NIPA1: variants seen among roughly 807,000 people sequenced by gnomAD.
NIPA1 encodes NIPA magnesium transporter 1.
Under a neutral mutation model 23.9 loss-of-function variants are expected in NIPA1, and 13 were observed. The observed-to-expected ratio is 0.54, with a 90% CI of 0.35 to 0.87. The LOEUF is 0.87. NIPA1 is among the 40% of genes least tolerant of loss of function. The pLI is 0.01. For missense variants in NIPA1, 362 were observed against 429.7 expected (o/e 0.84, Z 1.39); for synonymous variants, 234 against 202.9 (o/e 1.15, Z -1.30).
rs1895664874 is a variant in NIPA1 at position 22,826,974 on chromosome 15, T to C, written c.*2735T>C. The C allele has an allele frequency of 6.6e-6, 1 of 152,138 alleles. No homozygotes were observed. The highest frequency in any genetic ancestry group is 2.1e-4 in the South Asian group (1 of 4,822). The allele number at this position is 152,138 out of a possible 1,614,324, so 9.4% of individuals were successfully genotyped here. On this transcript the variant is annotated 3_prime_UTR_variant, in exon 5 of 5. Coordinates refer to ENST00000337435, the MANE Select transcript of NIPA1 (RefSeq NM_144599.5). ...AGTATTTATTTTAAAAAATTATGTT[T>C]TCATCATTCATTTGAAAATGAAAAA... is the stretch of plus-strand genomic sequence containing the variant.
intron 4 of NIPA1, among the ~76,000 whole-genome samples, chr15:22,821,283 T>TA (rs1238015641): frequency 6.6e-6 from 1 of 152,174 alleles, no homozygotes; most frequent in East Asian, 1.9e-4. Context: ...TTTTGATAAA[T>TA]ACACTAAAAA....
chr15:22,817,028 CA>C (rs921887486), intron 3 of NIPA1, among the ~76,000 whole-genome samples: 62 of 145,400 alleles, frequency 4.3e-4, no homozygotes, highest in African/African-American at 1.4e-3. Context: ...TACAAAAATA[CA>C]AAAAAAAATC....
In NIPA1 at chr15:22,821,734, G is replaced by A. The variant is rs142159996; in HGVS notation, c.478+1261G>A. Among the ~76,000 whole-genome samples, 68 of 151,614 alleles carry A rather than the reference G, an allele frequency of 4.5e-4. 2 individuals are homozygous for A. In the East Asian group the frequency reaches 8.5e-3, roughly 19 times the overall value. On this transcript the variant is annotated intron_variant, in intron 4 of 4. Transcript: ENST00000337435. ...CTCACTGGTTTTCTTGTCCACACTCGCTGGTTTTCTTGTCCACACTCTCTG... is the reference window on the plus strand; with the variant it reads ...CTCACTGGTTTTCTTGTCCACACTCACTGGTTTTCTTGTCCACACTCTCTG...
Position 22,824,592 on chromosome 15 carries a change from T to C in NIPA1, c.*353T>C. The C allele has an allele frequency of 3.3e-6, 1 of 304,464 alleles. No individual in the cohort carries two copies. The highest frequency in any genetic ancestry group is 6.3e-6 in the Non-Finnish European group (1 of 159,100). The allele number at this position is 304,464 out of a possible 1,614,324, so 18.9% of individuals were successfully genotyped here. A position where few individuals can be genotyped will look rare whatever the true frequency, so the allele number is the denominator to read the frequency against. On this transcript the variant is annotated 3_prime_UTR_variant, in exon 5 of 5. Transcript: ENST00000337435. This position sits in a 1 kb window ranked among gnomAD's most constrained non-coding sequence, Gnocchi z 4.1. ...CTCTTTCTGGTTAGTTGTTACATGA[T>C]AGCAGAGATATTTTTACTTAGATTA...
chr15:22,804,859 A>G (rs954336964), intron 1 of NIPA1, among the ~76,000 whole-genome samples: 66 of 151,582 alleles, frequency 4.4e-4, no homozygotes, highest in African/African-American at 1.5e-3. Flanking sequence ...TTTTTTTAAG[A>G]CGGAGTCCGC....
intron 3 of NIPA1, among the ~76,000 whole-genome samples, chr15:22,812,653 A>T (rs1017712615): frequency 1.1e-4 from 10 of 89,596 alleles, no homozygotes; most frequent in Admixed American, 2.1e-4. Context: ...ACTCTGCCTT[A>T]AAAAAAAAAA....
chr15:22,793,079 G>A (rs1397033497), intron 1 of NIPA1, among the ~76,000 whole-genome samples: 1 of 151,660 alleles, frequency 6.6e-6, no homozygotes, highest in African/African-American at 2.4e-5. Context: ...CGGGCGTGCG[G>A]TGGCTCATGC....
chr15:22,815,148 C>T (rs1439437379), intron 3 of NIPA1, among the ~76,000 whole-genome samples: 3 of 152,078 alleles, frequency 2.0e-5, no homozygotes, highest in Admixed American at 1.3e-4. Flanking sequence ...TGATTCTTTA[C>T]CCCTGAACAC....
intron 4 of NIPA1, among the ~76,000 whole-genome samples, chr15:22,820,932 C>T (rs1895525148): frequency 6.6e-6 from 1 of 152,104 alleles, no homozygotes; most frequent in African/African-American, 2.4e-5. Flanking sequence ...GTTTAGATTC[C>T]TCATATAGCC....
chr15:22,805,685 C>CAAAAAG (rs544508873), intron 1 of NIPA1, among the ~76,000 whole-genome samples: 1 of 151,676 alleles, frequency 6.6e-6, no homozygotes, highest in Non-Finnish European at 1.5e-5. Context: ...GACTCTGTCT[C>CAAAAAG]AAAAAGAAAA....
chr15:22,807,743 G>A (rs992779261), intron 1 of NIPA1, among the ~76,000 whole-genome samples: 2 of 147,780 alleles, frequency 1.4e-5, no homozygotes, highest in Non-Finnish European at 3.0e-5. Flanking sequence ...GATATTTTCT[G>A]TATGCCCTTA....
At chr15:22,787,443 C>A (rs1358021214) in intron 1 of NIPA1, among the ~76,000 whole-genome samples, 1 of 152,230 alleles carries the variant, frequency 6.6e-6, no homozygotes, top group East Asian at 1.9e-4. Flanking sequence ...CGCCTTAGAC[C>A]TGCACCAAAT....
At chr15:22,798,763 G>A (rs1026848125) in intron 1 of NIPA1, among the ~76,000 whole-genome samples, 13 of 148,628 alleles carry the variant, frequency 8.7e-5, no homozygotes, top group Admixed American at 2.0e-4. Context: ...GTGAACCCGG[G>A]AGGCGGAACT....
intron 3 of NIPA1, among the ~76,000 whole-genome samples, chr15:22,817,100 T>C (rs1279661302): frequency 6.7e-6 from 1 of 148,526 alleles, no homozygotes; most frequent in Non-Finnish European, 1.5e-5. Flanking sequence ...GGCAGGAGAA[T>C]TGCTTAAACC....
intron 1 of NIPA1, among the ~76,000 whole-genome samples, chr15:22,803,144 A>G (rs1014471287): frequency 4.0e-5 from 6 of 151,584 alleles, no homozygotes; most frequent in African/African-American, 1.5e-4. Context: ...TTTAGTAGAG[A>G]TGGGATTTCA....
At chr15:22,813,877 T>C (rs533985463) in intron 3 of NIPA1, among the ~76,000 whole-genome samples, 2 of 152,264 alleles carry the variant, frequency 1.3e-5, no homozygotes, top group South Asian at 2.1e-4. Flanking sequence ...GTTCTCACTT[T>C]GGGAAACACT....
upstream of NIPA1, chr15:22,786,627 G>A: frequency 1.1e-6 from 1 of 924,022 alleles, no homozygotes. Context: ...CGGCGCGCAG[G>A]CGCAGGCTCG....
chr15:22,797,847 A>AT (rs33968720), intron 1 of NIPA1, among the ~76,000 whole-genome samples: 22,588 of 133,846 alleles, frequency 0.17, 2,223 homozygotes, highest in African/African-American at 0.31. Flanking sequence ...TTCAAAACCG[A>AT]TTTTTTTTTT....
chr15:22,790,422 C>CTT (rs201663769), intron 1 of NIPA1, among the ~76,000 whole-genome samples: 30 of 133,320 alleles, frequency 2.3e-4, no homozygotes, highest in African/African-American at 4.1e-4. Context: ...TCCCAAAGTG[C>CTT]TTTTTTTTTT....
Sources: allele counts gnomAD v4.1 joint callset (sites outside exome capture counted in the v4.1 genomes callset), GRCh38; gene constraint gnomAD v4.1.1; non-coding constraint Gnocchi (gnomAD v3.1); transcripts MANE v1.5; gene names NCBI Gene and HGNC (gene_info 2026-07-23, HGNC 2026-07-21).